Variants in TAF4 observed in about 807,000 individuals in gnomAD.
TAF4 encodes TATA-box binding protein associated factor 4.
A neutral mutation model predicts 90.3 loss-of-function variants in TAF4; 9 were observed. That is an observed-to-expected ratio of 0.10 (90% CI 0.06 to 0.17). TAF4 has a LOEUF of 0.17. TAF4 is among the 10% of genes least tolerant of loss of function. TAF4 has a pLI of 1.00. For missense variants in TAF4, 1,351 were observed against 1,370.7 expected (o/e 0.99, Z 0.23); for synonymous variants, 818 against 638.9 (o/e 1.28, Z -4.23).
chr20:62,023,141 C>T (rs2055853292), intron 1 of TAF4, among the ~76,000 whole-genome samples: 1 of 151,450 alleles, frequency 6.6e-6, no homozygotes, highest in South Asian at 2.1e-4. Flanking sequence ...TTAACCAACA[C>T]AACTGTAAAA....
At chr20:62,055,997 G>A (rs1210565015) in intron 1 of TAF4, among the ~76,000 whole-genome samples, 1 of 152,214 alleles carries the variant, frequency 6.6e-6, no homozygotes, top group Non-Finnish European at 1.5e-5. Flanking sequence ...AGCACTCTGG[G>A]AGGCAGAGGC....
intron 7 of TAF4, among the ~76,000 whole-genome samples, chr20:62,004,104 A>T (rs1295556586): frequency 1.3e-5 from 2 of 152,116 alleles, no homozygotes; most frequent in Non-Finnish European, 2.9e-5. Context: ...TGCCCGTGTG[A>T]GCACAGAAGG....
chr20:62,006,512 G>A lies in TAF4; in HGVS notation c.2221C>T (p.Leu741=), dbSNP rs1381608251. The A allele has an allele frequency of 1.3e-6, 2 of 1,524,478 alleles. No individual in the cohort carries two copies. Among genetic ancestry groups the A allele is most frequent in the Admixed American group, 3.9e-5 (2 of 51,294 alleles). The allele number at this position is 1,524,478 out of a possible 1,614,324, so 94.4% of individuals were successfully genotyped here. A position where few individuals can be genotyped will look rare whatever the true frequency, so the allele number is the denominator to read the frequency against. The part of the protein sequence containing the change: ...GVGKQGQPTP[L]VIQQPPKPGA... ...CCAGTCAGGCGCCCCTTCCATACCAGCGGTGTGGGTTGCCCCTGCTTGCCG... is the reference window on the plus strand; with the variant it reads ...CCAGTCAGGCGCCCCTTCCATACCAACGGTGTGGGTTGCCCCTGCTTGCCG... Residue 741 remains leucine (L), a splice_region_variant and synonymous_variant, in exon 7 of 15, where the codon CTG becomes TTG. Coordinates refer to ENST00000252996, the MANE Select transcript of TAF4 (RefSeq NM_003185.4). The surrounding 1 kb of genome is among the most constrained non-coding windows in gnomAD (Gnocchi z 7.0).
At position 62,065,419 on chromosome 20, in the gene TAF4, T is replaced by C. The variant is rs1385710481; in HGVS notation, c.392A>G (p.Glu131Gly). The part of the protein sequence containing the change: ...PPAAKLRPPP[E>G]GSAGSCAPVP... ...CGGGGCGCAGGACCCCGCGCTGCCCTCGGGCGGCGGCCTCAGCTTCGCGGC... is the reference window on the plus strand; with the variant it reads ...CGGGGCGCAGGACCCCGCGCTGCCCCCGGGCGGCGGCCTCAGCTTCGCGGC... The change falls in exon 1 of 15, where the codon GAG becomes GGG. Residue 131 changes from glutamate to glycine, a missense_variant. Coordinates refer to ENST00000252996, the MANE Select transcript of TAF4 (RefSeq NM_003185.4). 2 of 969,424 alleles carry C rather than the reference T, an allele frequency of 2.1e-6. No individual in the cohort carries two copies. Among genetic ancestry groups the C allele is most frequent in the African/African-American group, 3.7e-5 (2 of 53,782 alleles). The allele number at this position is 969,424 out of a possible 1,614,324, so 60.1% of individuals were successfully genotyped here. A position where few individuals can be genotyped will look rare whatever the true frequency, so the allele number is the denominator to read the frequency against.
intron 1 of TAF4, among the ~76,000 whole-genome samples, chr20:62,055,331 C>T (rs555302286): frequency 6.6e-6 from 1 of 151,070 alleles, no homozygotes; most frequent in African/African-American, 2.4e-5. Context: ...ATGCTGCCTG[C>T]GGGCAGTCCT....
rs1180393515 is a variant in TAF4 at position 62,064,789 on chromosome 20, CCCGGCG to C, written c.1016_1021del (p.Ala339_Pro340del). The C allele has an allele frequency of 3.8e-6, 4 of 1,055,368 alleles. No individual in the cohort carries two copies. The highest frequency in any genetic ancestry group is 4.6e-6 in the Non-Finnish European group (4 of 876,666). The allele number at this position is 1,055,368 out of a possible 1,614,324, so 65.4% of individuals were successfully genotyped here. On this transcript the variant is annotated inframe_deletion, in exon 1 of 15. Transcript: ENST00000252996. ...CCTCTTGGGCGACTCGGCCTTGACC[CCCGGCG>C]CCGGCGCCGCAGCCGCCGCGCCGGG...
At position 61,975,051 on chromosome 20, in the gene TAF4, G is replaced by A. The variant is rs2055484585; in HGVS notation, c.*1117C>T. The stretch of plus-strand genomic sequence containing the variant: ...GCGCTCGAATTAAAGTCTAATGTGA[G>A]AATTCACACGGAGAAAGCCAGAGTA... On this transcript the variant is annotated 3_prime_UTR_variant, in exon 15 of 15. Coordinates refer to ENST00000252996, the MANE Select transcript of TAF4 (RefSeq NM_003185.4). 6.6e-6 allele frequency: 1 copy of A among 152,358 alleles called. No homozygotes were observed. Among genetic ancestry groups the A allele is most frequent in the African/African-American group, 2.4e-5 (1 of 41,402 alleles). 9.4% of individuals were successfully genotyped at this position (152,358 alleles called of 1,614,324 possible).
In TAF4 at chr20:62,010,097, C is replaced by A; in HGVS notation, c.1710G>T (p.Gly570=). 1.9e-6 allele frequency: 3 copies of A among 1,613,898 alleles called. No homozygotes were observed. The highest frequency in any genetic ancestry group is 2.7e-5 in the African/African-American group (2 of 75,024). The change falls in exon 4 of 15, where the codon GGG becomes GGT. Residue 570 remains glycine (G), a synonymous_variant. Transcript: ENST00000252996. This position sits in a 1 kb window ranked among gnomAD's most constrained non-coding sequence, Gnocchi z 4.5. The part of the protein sequence containing the change: ...SLGTATAVQT[G]TPQRTVPGAT... Reference sequence around the variant, plus strand: ...CCCCTGGTACCGTGCGCTGAGGAGTCCCCGTCTGAACAGCCGTCGCCGTCC... The same window carrying A: ...CCCCTGGTACCGTGCGCTGAGGAGTACCCGTCTGAACAGCCGTCGCCGTCC...
chr20:61,976,296 C>T lies in TAF4; in HGVS notation c.3130G>A (p.Val1044Ile), dbSNP rs755458395. The change falls in exon 15 of 15, where the codon GTC (valine) becomes ATC (isoleucine). Residue 1044 changes from valine (V) to isoleucine (I), a missense_variant. Physicochemically the swap from Val to Ile is conservative, Grantham distance 29. Transcript: ENST00000252996. Reference sequence around the variant, plus strand: ...CGCGTGAACTGTCTGGGGGTTCCGACACCCGAGCTGCCTGGGACCACTGAG... The same window carrying T: ...CGCGTGAACTGTCTGGGGGTTCCGATACCCGAGCTGCCTGGGACCACTGAG... ...PGSVVPGSSG[V>I]GTPRQFTRQR... is the part of the protein sequence containing the mutation. 1.2e-6 allele frequency: 2 copies of T among 1,613,828 alleles called. No homozygotes were observed. The highest frequency in any genetic ancestry group is 1.1e-5 in the South Asian group (1 of 91,080).
intron 1 of TAF4, among the ~76,000 whole-genome samples, chr20:62,037,014 TC>T (rs1473925106): frequency 6.6e-6 from 1 of 152,220 alleles, no homozygotes; most frequent in Non-Finnish European, 1.5e-5. Flanking sequence ...ATCTTGCACT[TC>T]CCAGGACTGT....
intron 1 of TAF4, among the ~76,000 whole-genome samples, chr20:62,018,325 G>C (rs570914710): frequency 6.6e-6 from 1 of 152,184 alleles, no homozygotes; most frequent in Non-Finnish European, 1.5e-5. Flanking sequence ...CTGCATCCAC[G>C]CCATGTTTCC....
chr20:61,995,131 G>A (rs1157582330), intron 14 of TAF4, among the ~76,000 whole-genome samples: 1 of 152,194 alleles, frequency 6.6e-6, no homozygotes, highest in Non-Finnish European at 1.5e-5. Context: ...CTCTTCAAGG[G>A]AGATCACAGA....
In TAF4 at chr20:62,050,331, C is replaced by G. The variant is rs528611645; in HGVS notation, c.1360+14120G>C. 2.0e-5 allele frequency among the ~76,000 whole-genome samples: 3 copies of G among 152,286 alleles called. No individual in the cohort carries two copies. The South Asian group carries it at 6.2e-4, about 32-fold the overall frequency. ...ACTCCATGTCCCATCACTCACCGCT[C>G]CCTTCTCCTGCCAGTCTGGACCTGG... On this transcript the variant is annotated intron_variant, in intron 1 of 14. Coordinates refer to ENST00000252996, the MANE Select transcript of TAF4 (RefSeq NM_003185.4).
At chr20:61,979,309 G>A (rs1287846425) in intron 14 of TAF4, 4 of 152,728 alleles carry the variant, frequency 2.6e-5, no homozygotes, top group Admixed American at 6.5e-5. Flanking sequence ...AGCCTGCTTG[G>A]AGAAGAGTGC....
intron 1 of TAF4, among the ~76,000 whole-genome samples, chr20:62,025,728 G>A (rs1196663126): frequency 6.6e-6 from 1 of 152,164 alleles, no homozygotes; most frequent in Non-Finnish European, 1.5e-5. Context: ...ACCCAGCCTT[G>A]GGTATTTTTT....
chr20:61,979,722 G>A (rs115233008), intron 14 of TAF4, among the ~76,000 whole-genome samples: 1,989 of 149,558 alleles, frequency 0.013, 45 homozygotes, highest in African/African-American at 0.047. Context: ...TGTGGCCCGT[G>A]CAGGCGCGGT....
At chr20:62,056,858 T>C (rs1442510871) in intron 1 of TAF4, among the ~76,000 whole-genome samples, 2 of 152,204 alleles carry the variant, frequency 1.3e-5, no homozygotes, top group African/African-American at 4.8e-5. Flanking sequence ...TAATAATTTT[T>C]TACACTTACA....
chr20:61,995,973 C>A (rs972510167), intron 14 of TAF4, among the ~76,000 whole-genome samples: 5 of 152,106 alleles, frequency 3.3e-5, no homozygotes, highest in African/African-American at 1.2e-4. Context: ...TTCAGAGAAC[C>A]TGAAACAGGC....
At chr20:61,997,256 G>A (rs6089593) in intron 14 of TAF4, among the ~76,000 whole-genome samples, 92,801 of 152,028 alleles carry the variant, frequency 0.61, 28,632 homozygotes, top group Middle Eastern at 0.76. Context: ...ATCCCTATTC[G>A]GATCATTCTT....
Sources: gnomAD v4.1 joint callset for allele counts (sites outside exome capture counted in the v4.1 genomes callset) on GRCh38, gnomAD v4.1.1 for gene constraint, Gnocchi (gnomAD v3.1) non-coding constraint, MANE v1.5 for transcripts, NCBI Gene and HGNC (gene_info 2026-07-23, HGNC 2026-07-21) for gene names.